Variants in RBMS3 observed in about 807,000 individuals in gnomAD.
The protein encoded by RBMS3 is RNA-binding motif, single-stranded-interacting protein 3.
RBMS3 carries 27 observed loss-of-function variants against 66.8 expected under a neutral mutation model. That is an observed-to-expected ratio of 0.40 (90% confidence interval 0.30 to 0.56). The LOEUF (loss-of-function observed/expected upper bound fraction) is 0.56. Among genes scored for constraint, RBMS3 ranks in the 20% least tolerant of loss-of-function variants. RBMS3 has a pLI of 0.40. For synonymous variants in RBMS3, 188 were observed against 183.0 expected, an observed-to-expected ratio of 1.03 and a Z score of -0.22; for missense variants, 513 against 549.5, an observed-to-expected ratio of 0.93 and a Z score of 0.66.
chr3:29,327,903 T>A (rs1184819353), intron 1 of RBMS3, among the ~76,000 whole-genome samples: 1 of 152,206 alleles, frequency 6.6e-6, no homozygotes, highest in Admixed American at 6.5e-5. Context: ...GGTAGAATGC[T>A]AGAATTTTTT....
intron 1 of RBMS3, among the ~76,000 whole-genome samples, chr3:29,385,066 G>A (rs1168707386): frequency 1.3e-5 from 2 of 152,072 alleles, no homozygotes; most frequent in African/African-American, 2.4e-5. Context: ...AGGTAAAAAG[G>A]TAAAGACTAA....
At chr3:29,566,940 GA>G (rs2046765240) in intron 3 of RBMS3, among the ~76,000 whole-genome samples, 1 of 152,044 alleles carries the variant, frequency 6.6e-6, no homozygotes, top group Non-Finnish European at 1.5e-5. Context: ...TATAGAATAA[GA>G]AAAACAATAA....
chr3:29,398,326 T>C (rs900709002), intron 1 of RBMS3, among the ~76,000 whole-genome samples: 1 of 152,164 alleles, frequency 6.6e-6, no homozygotes, highest in African/African-American at 2.4e-5. Flanking sequence ...AGAACCTTTT[T>C]GACTAGGGAG....
intron 7 of RBMS3, among the ~76,000 whole-genome samples, chr3:29,872,295 GGCAATT>G (rs1235278623): frequency 2.6e-5 from 4 of 151,950 alleles, no homozygotes; most frequent in Non-Finnish European, 4.4e-5. Context: ...TTAAAACAAA[GGCAATT>G]TTTTGAGAAA....
chr3:29,930,324 G>A (rs1194768793), intron 10 of RBMS3, among the ~76,000 whole-genome samples: 1 of 151,438 alleles, frequency 6.6e-6, no homozygotes, highest in Non-Finnish European at 1.5e-5. Flanking sequence ...GTGTTAGCCA[G>A]GATGGTCTCG....
At chr3:29,944,128 T>C (rs1350913366) in intron 11 of RBMS3, 79 bp from the exon 12 acceptor site, 3 of 1,326,140 alleles carry the variant, frequency 2.3e-6, no homozygotes, top group African/African-American at 2.9e-5. Context: ...CAGCGGACTC[T>C]TCCACGTGTT....
chr3:29,719,565 G>A (rs1235445588), intron 4 of RBMS3, among the ~76,000 whole-genome samples: 1 of 152,102 alleles, frequency 6.6e-6, no homozygotes, highest in African/African-American at 2.4e-5. Context: ...GGTGAAACTA[G>A]ATGAGTCAGA....
intron 6 of RBMS3, among the ~76,000 whole-genome samples, chr3:29,825,761 C>T (rs950084815): frequency 1.3e-5 from 2 of 152,132 alleles, no homozygotes; most frequent in Admixed American, 6.6e-5. Context: ...TAAGAAATTG[C>T]TTCCCCAAAA....
At position 29,357,111 on chromosome 3, in the gene RBMS3, C is replaced by T. The variant is rs1024366542; in HGVS notation, c.75+75355C>T. On this transcript the variant is annotated intron_variant, in intron 1 of 14. Coordinates refer to ENST00000383767, the MANE Select transcript of RBMS3 (RefSeq NM_001003793.3). ...ATGTGCACAACGTGCAGGTTTGTTA[C>T]ATATGTATACATGTGACATGTTGGT... 4.3e-4 allele frequency among the ~76,000 whole-genome samples: 65 copies of T among 152,176 alleles called. No homozygotes were observed. The Middle Eastern group carries it at 0.014, about 32-fold the overall frequency.
At chr3:29,876,077 G>T (rs911596037) in intron 7 of RBMS3, among the ~76,000 whole-genome samples, 62 of 152,260 alleles carry the variant, frequency 4.1e-4, no homozygotes, top group Non-Finnish European at 7.6e-4. Context: ...TTATTGGCTT[G>T]ATTTTTGAAA....
chr3:29,537,988 T>C (rs532076183), intron 3 of RBMS3, among the ~76,000 whole-genome samples: 9 of 152,272 alleles, frequency 5.9e-5, no homozygotes, highest in South Asian at 2.1e-4. Context: ...ATTTAAGTTT[T>C]GCAAAATTTT....
At chr3:29,697,863 G>A (rs932469891) in intron 4 of RBMS3, among the ~76,000 whole-genome samples, 1 of 152,124 alleles carries the variant, frequency 6.6e-6, no homozygotes, top group Non-Finnish European at 1.5e-5. Context: ...TTCTGATTTT[G>A]GAGCATTGTG....
chr3:29,781,670 T>A (rs1288947155), intron 6 of RBMS3, among the ~76,000 whole-genome samples: 3 of 152,050 alleles, frequency 2.0e-5, no homozygotes, highest in Non-Finnish European at 4.4e-5. Flanking sequence ...TGCTGCAGGC[T>A]CCCTGAGACA....
intron 4 of RBMS3, among the ~76,000 whole-genome samples, chr3:29,648,361 T>TC (rs2050021508): frequency 6.7e-6 from 1 of 148,470 alleles, no homozygotes; most frequent in Non-Finnish European, 1.5e-5. Context: ...AGACTCTCTG[T>TC]CCCAGGCTCA....
At chr3:29,619,331 A>G (rs987140161) in intron 4 of RBMS3, among the ~76,000 whole-genome samples, 2 of 151,302 alleles carry the variant, frequency 1.3e-5, no homozygotes, top group Non-Finnish European at 2.9e-5. Flanking sequence ...AAAAATGCAA[A>G]CAAAGAAAAA....
At chr3:29,288,778 C>T (rs962279347) in intron 1 of RBMS3, among the ~76,000 whole-genome samples, 1 of 151,886 alleles carries the variant, frequency 6.6e-6, no homozygotes, top group African/African-American at 2.4e-5. Context: ...TCCGCAAAAC[C>T]TACAATCTCT....
At chr3:29,556,685 C>T (rs540596649) in intron 3 of RBMS3, among the ~76,000 whole-genome samples, 25 of 152,236 alleles carry the variant, frequency 1.6e-4, no homozygotes, top group African/African-American at 6.0e-4. Flanking sequence ...CCTTGAACAA[C>T]TTTTAGGTCT....
At chr3:29,840,310 TAAA>T (rs1171940021) in intron 6 of RBMS3, among the ~76,000 whole-genome samples, 3 of 152,028 alleles carry the variant, frequency 2.0e-5, no homozygotes, top group African/African-American at 7.2e-5. Flanking sequence ...AAAATGTACT[TAAA>T]AGACAATAAA....
intron 3 of RBMS3, among the ~76,000 whole-genome samples, chr3:29,504,308 G>A (rs1438334): frequency 0.13 from 19,938 of 151,856 alleles, 1,912 homozygotes; most frequent in African/African-American, 0.27. Context: ...CATTTAAAGT[G>A]CACAGGACCT....
Sources: allele counts gnomAD v4.1 joint callset (sites outside exome capture counted in the v4.1 genomes callset), GRCh38; gene constraint gnomAD v4.1.1; transcripts MANE v1.5; gene names NCBI Gene and HGNC (gene_info 2026-07-23, HGNC 2026-07-21).